Variants in SLC12A8 observed in about 807,000 individuals in gnomAD.
SLC12A8 encodes cation-chloride cotransporter 9.
Under a neutral mutation model 75.6 loss-of-function variants are expected in SLC12A8, and 69 were observed. The observed-to-expected ratio is 0.91, with a 90% CI of 0.75 to 1.11. SLC12A8 has a LOEUF of 1.11. Among genes scored for constraint, SLC12A8 ranks in the 50% most tolerant of loss-of-function variants. The pLI is 0.00. For missense variants in SLC12A8, 877 were observed against 896.7 expected, an observed-to-expected ratio of 0.98 and a Z score of 0.28; for synonymous variants, 365 against 372.8, an observed-to-expected ratio of 0.98 and a Z score of 0.24.
intron 10 of SLC12A8, among the ~76,000 whole-genome samples, chr3:125,101,195 G>T (rs1465319726): frequency 6.6e-6 from 1 of 152,172 alleles, no homozygotes; most frequent in Non-Finnish European, 1.5e-5. Flanking sequence ...CTCCTATCAT[G>T]AGCAAGTGTT....
intron 2 of SLC12A8, among the ~76,000 whole-genome samples, chr3:125,202,523 A>G (rs1935143434): frequency 6.6e-6 from 1 of 152,196 alleles, no homozygotes; most frequent in Non-Finnish European, 1.5e-5. Flanking sequence ...TGGCAAATGC[A>G]GTATTTTGTC....
intron 8 of SLC12A8, among the ~76,000 whole-genome samples, chr3:125,117,720 T>A (rs930072977): frequency 6.6e-6 from 1 of 152,134 alleles, no homozygotes; most frequent in Non-Finnish European, 1.5e-5. Context: ...AATCTCAGGG[T>A]CTACTTTTTC....
chr3:125,193,612 C>T (rs966284746), intron 2 of SLC12A8, among the ~76,000 whole-genome samples: 5 of 152,198 alleles, frequency 3.3e-5, no homozygotes, highest in African/African-American at 1.2e-4. Context: ...CCACGGTCTG[C>T]AGTACGGGCA....
At chr3:125,130,616 AAG>A (rs1933329353) in intron 6 of SLC12A8, among the ~76,000 whole-genome samples, 6 of 151,924 alleles carry the variant, frequency 3.9e-5, no homozygotes, top group African/African-American at 1.2e-4. Flanking sequence ...GAAAAAGAAA[AAG>A]AAAAAGAAAT....
At chr3:125,103,202 C>A (rs1407523452) in intron 10 of SLC12A8, among the ~76,000 whole-genome samples, 1 of 152,024 alleles carries the variant, frequency 6.6e-6, no homozygotes, top group Non-Finnish European at 1.5e-5. Context: ...AACAGTGGGA[C>A]CCCTCTCCAA....
At chr3:125,174,198 T>C (rs1003742705) in intron 5 of SLC12A8, among the ~76,000 whole-genome samples, 6 of 152,196 alleles carry the variant, frequency 3.9e-5, no homozygotes, top group Admixed American at 1.3e-4. Context: ...CCAAAGGTGA[T>C]ATACAGATGG....
At chr3:125,192,404 C>T (rs149959967) in intron 2 of SLC12A8, among the ~76,000 whole-genome samples, 29 of 152,298 alleles carry the variant, frequency 1.9e-4, no homozygotes, top group East Asian at 1.5e-3. Flanking sequence ...ACATTACTTG[C>T]CCTTTTTGCC....
intron 2 of SLC12A8, among the ~76,000 whole-genome samples, chr3:125,207,326 G>A (rs1257610875): frequency 6.6e-6 from 1 of 152,208 alleles, no homozygotes; most frequent in Non-Finnish European, 1.5e-5. Context: ...CATGAATCCA[G>A]TGTACTAGTT....
rs534051120 is a variant in SLC12A8, at chr3:125,165,540, G to A, written c.622+12203C>T. 4.6e-5 allele frequency among the ~76,000 whole-genome samples: 7 copies of A among 152,314 alleles called. No homozygotes were observed. In the East Asian group the frequency reaches 1.2e-3, roughly 25 times the overall value. ...AGGACGATTCTACAGAATTTTGGTG[G>A]TAGCTAACTGCTGGCTCTTCATCTC... is the stretch of plus-strand genomic sequence containing the variant. On this transcript the variant is annotated intron_variant, in intron 5 of 13. Coordinates refer to ENST00000469902, the MANE Select transcript of SLC12A8 (RefSeq NM_024628.6).
chr3:125,135,894 C>G, intron 5 of SLC12A8, 112 bp from the exon 6 acceptor site: 1 of 591,496 alleles, frequency 1.7e-6, no homozygotes, highest in Non-Finnish European at 2.9e-6. Flanking sequence ...AAGGTAGGGG[C>G]ATGTATGTGA....
chr3:125,098,554 C>CACA (rs1938776868), intron 10 of SLC12A8, among the ~76,000 whole-genome samples: 2 of 143,920 alleles, frequency 1.4e-5, no homozygotes, highest in South Asian at 2.4e-4. Flanking sequence ...TGAATCTTCT[C>CACA]CACACACACA....
chr3:125,165,777 C>G (rs887423674), intron 5 of SLC12A8, among the ~76,000 whole-genome samples: 3 of 152,018 alleles, frequency 2.0e-5, no homozygotes, highest in African/African-American at 7.2e-5. Context: ...ACCGTGCATC[C>G]TAGGAAGACC....
At chr3:125,111,981 C>T (rs561418966) in intron 8 of SLC12A8, among the ~76,000 whole-genome samples, 47 of 152,302 alleles carry the variant, frequency 3.1e-4, no homozygotes, top group Non-Finnish European at 5.1e-4. Flanking sequence ...GGATTCTCAC[C>T]AGCTCTTTAT....
intron 10 of SLC12A8, among the ~76,000 whole-genome samples, chr3:125,092,618 G>C (rs1938614360): frequency 6.6e-6 from 1 of 152,136 alleles, no homozygotes; most frequent in Non-Finnish European, 1.5e-5. Context: ...GCTACCTTCT[G>C]ACTCTGAAAG....
intron 5 of SLC12A8, among the ~76,000 whole-genome samples, chr3:125,137,827 C>T (rs1034949118): frequency 3.9e-5 from 6 of 152,212 alleles, no homozygotes; most frequent in South Asian, 2.1e-4. Flanking sequence ...TTGGCTCCCT[C>T]GTGGGCCTGC....
chr3:125,098,979 A>C (rs753199996), intron 10 of SLC12A8, among the ~76,000 whole-genome samples: 1 of 152,230 alleles, frequency 6.6e-6, no homozygotes, highest in Non-Finnish European at 1.5e-5. Context: ...CACCATAGAA[A>C]GACTAGATAA....
chr3:125,155,232 C>T (rs1326389281), intron 5 of SLC12A8, among the ~76,000 whole-genome samples: 1 of 152,116 alleles, frequency 6.6e-6, no homozygotes, highest in East Asian at 1.9e-4. Context: ...TTGCTCACCG[C>T]ACCACCTTCA....
chr3:125,086,891 C>T (rs9818560), intron 13 of SLC12A8, among the ~76,000 whole-genome samples: 12 of 152,082 alleles, frequency 7.9e-5, no homozygotes, highest in Admixed American at 2.0e-4. Context: ...AGCTCCAGCA[C>T]GAAGGCTTTA....
chr3:125,125,386 C>T (rs1190464087), intron 6 of SLC12A8, among the ~76,000 whole-genome samples: 5 of 151,988 alleles, frequency 3.3e-5, no homozygotes, highest in East Asian at 1.9e-4. Flanking sequence ...TGTGAAACCC[C>T]GCGTCTACTA....
Sources: allele counts gnomAD v4.1 joint callset (sites outside exome capture counted in the v4.1 genomes callset), GRCh38; gene constraint gnomAD v4.1.1; transcripts MANE v1.5; gene names NCBI Gene and HGNC (gene_info 2026-07-23, HGNC 2026-07-21).